SHISA9: variants seen among roughly 807,000 people sequenced by gnomAD.
SHISA9 encodes shisa family member 9.
A neutral mutation model predicts 38.0 loss-of-function variants in SHISA9; 13 were observed. The observed-to-expected ratio is 0.34, with a 90% confidence interval of 0.22 to 0.54. The LOEUF is 0.54. Ranked by LOEUF, SHISA9 falls within the 20% of genes least tolerant of loss-of-function variation. The pLI is 0.91. For synonymous variants in SHISA9, 275 were observed against 242.0 expected (o/e 1.14, Z -1.27); for missense variants, 538 against 575.8 (o/e 0.93, Z 0.67).
At chr16:13,533,729 CCT>C in the SHISA9 span, among the ~76,000 whole-genome samples, 33 of 152,128 alleles carry the variant, frequency 2.2e-4, no homozygotes, top group African/African-American at 6.3e-4. Context: ...TCAATTTCCC[CCT>C]CTTTGTGGAT....
At chr16:13,017,964 G>A (rs922751854) in intron 2 of SHISA9, among the ~76,000 whole-genome samples, 34 of 152,202 alleles carry the variant, frequency 2.2e-4, no homozygotes, top group African/African-American at 7.5e-4. Context: ...CCTTCTCAAA[G>A]GAAATTTTTG....
intron 2 of SHISA9, among the ~76,000 whole-genome samples, chr16:12,983,286 C>T (rs1188467401): frequency 1.3e-5 from 2 of 152,194 alleles, no homozygotes; most frequent in African/African-American, 4.8e-5. Context: ...CTGCCACTTT[C>T]AAGCTGTGTG....
chr16:13,483,791 G>A, the SHISA9 span, among the ~76,000 whole-genome samples: 4 of 152,148 alleles, frequency 2.6e-5, no homozygotes, highest in African/African-American at 9.7e-5. Context: ...ACATGTAGAG[G>A]TTTCTGAAGG....
At chr16:13,037,714 C>T (rs2073091122) in intron 2 of SHISA9, among the ~76,000 whole-genome samples, 1 of 152,196 alleles carries the variant, frequency 6.6e-6, no homozygotes, top group South Asian at 2.1e-4. Context: ...CCTCCCACTT[C>T]CAGCCTTTTG....
At chr16:13,419,320 G>T in the SHISA9 span, among the ~76,000 whole-genome samples, 1 of 152,292 alleles carries the variant, frequency 6.6e-6, no homozygotes, top group East Asian at 1.9e-4. Flanking sequence ...CGGGCCTCCT[G>T]GAAGCTGGAA....
At chr16:13,476,411 C>T in the SHISA9 span, among the ~76,000 whole-genome samples, 1 of 152,144 alleles carries the variant, frequency 6.6e-6, no homozygotes, top group Non-Finnish European at 1.5e-5. Flanking sequence ...GCTGCAGCAC[C>T]CAATTAAAGT....
the SHISA9 span, among the ~76,000 whole-genome samples, chr16:13,501,471 G>A: frequency 6.6e-6 from 1 of 152,278 alleles, no homozygotes; most frequent in African/African-American, 2.4e-5. Flanking sequence ...GCCAGAAAGA[G>A]GTGTGATATA....
At chr16:13,367,847 T>C in the SHISA9 span, among the ~76,000 whole-genome samples, 1 of 151,920 alleles carries the variant, frequency 6.6e-6, no homozygotes, top group African/African-American at 2.4e-5. Context: ...TAGCTCCCAT[T>C]CAAATCCACA....
the SHISA9 span, among the ~76,000 whole-genome samples, chr16:13,440,424 C>G: frequency 1.3e-5 from 2 of 152,228 alleles, no homozygotes; most frequent in South Asian, 4.1e-4. Flanking sequence ...AGTTTAAGCT[C>G]GTTTATTGAA....
chr16:13,313,127 C>A, the SHISA9 span, among the ~76,000 whole-genome samples: 1 of 149,122 alleles, frequency 6.7e-6, no homozygotes, highest in Non-Finnish European at 1.5e-5. Flanking sequence ...TAGTGGCGGG[C>A]GCCTGTAGTC....
chr16:13,522,216 GAGA>G, the SHISA9 span, among the ~76,000 whole-genome samples: 63 of 152,314 alleles, frequency 4.1e-4, no homozygotes, highest in Non-Finnish European at 6.5e-4. Flanking sequence ...TTTTGACTTG[GAGA>G]AGATTTTCCA....
chr16:13,520,081 G>T, the SHISA9 span, among the ~76,000 whole-genome samples: 1 of 152,146 alleles, frequency 6.6e-6, no homozygotes, highest in Non-Finnish European at 1.5e-5. Flanking sequence ...AGCCATATCT[G>T]CAAGAACCAG....
chr16:13,039,201 G>T (rs991403570), intron 2 of SHISA9, among the ~76,000 whole-genome samples: 11 of 152,120 alleles, frequency 7.2e-5, no homozygotes, highest in East Asian at 1.9e-4. Flanking sequence ...AAGCCACCGC[G>T]CCTGGCCAAG....
intron 2 of SHISA9, among the ~76,000 whole-genome samples, chr16:12,987,815 G>C (rs944660318): frequency 6.6e-5 from 10 of 152,166 alleles, no homozygotes; most frequent in African/African-American, 2.4e-4. Context: ...GTGCTACCAG[G>C]CACGATGCTA....
At chr16:13,007,364 C>A (rs1425591375) in intron 2 of SHISA9, among the ~76,000 whole-genome samples, 2 of 152,146 alleles carry the variant, frequency 1.3e-5, no homozygotes, top group Non-Finnish European at 2.9e-5. Context: ...CCCCAATAGG[C>A]CTCTAGTCCT....
chr16:13,120,817 A>G (rs2050202587), intron 2 of SHISA9, among the ~76,000 whole-genome samples: 1 of 152,176 alleles, frequency 6.6e-6, no homozygotes, highest in South Asian at 2.1e-4. Context: ...AAATGCCTGT[A>G]TGACAGTCAG....
chr16:12,925,855 T>C (rs2071387274), intron 2 of SHISA9, among the ~76,000 whole-genome samples: 2 of 152,190 alleles, frequency 1.3e-5, no homozygotes, highest in African/African-American at 4.8e-5. Context: ...GCTTTTTTTC[T>C]GTACTTATCA....
chr16:13,003,112 T>C (rs2072546556), intron 2 of SHISA9, among the ~76,000 whole-genome samples: 1 of 152,060 alleles, frequency 6.6e-6, no homozygotes, highest in Non-Finnish European at 1.5e-5. Flanking sequence ...GTGGGAAAGA[T>C]TTCAGGAGAA....
rs183339743 is a variant in SHISA9 at position 12,914,712 on chromosome 16, C to G, written c.564-1976C>G. 5.6e-4 allele frequency among the ~76,000 whole-genome samples: 86 copies of G among 152,302 alleles called. 1 individual carries two copies. Among genetic ancestry groups the G allele is most frequent in the Admixed American group, 3.6e-3 (55 of 15,308 alleles). Reference sequence around the variant, plus strand: ...AGCTCTAGTTCTTACCCTATCATTCCATTGCCCCGTGATCGACAGTTCCCC... The same window carrying G: ...AGCTCTAGTTCTTACCCTATCATTCGATTGCCCCGTGATCGACAGTTCCCC... On this transcript the variant is annotated intron_variant, in intron 1 of 4. Transcript: ENST00000558583.
Sources: gnomAD v4.1 joint callset for allele counts (sites outside exome capture counted in the v4.1 genomes callset) on GRCh38, gnomAD v4.1.1 for gene constraint, MANE v1.5 for transcripts, NCBI Gene and HGNC (gene_info 2026-07-23, HGNC 2026-07-21) for gene names.